DSG1: variants seen among roughly 807,000 people sequenced by gnomAD.
DSG1 encodes the protein desmoglein 1.
DSG1 carries 39 observed loss-of-function variants against 97.5 expected under a neutral mutation model. That is an observed-to-expected ratio of 0.40 (90% confidence interval 0.31 to 0.52). The LOEUF (loss-of-function observed/expected upper bound fraction) is 0.52. Ranked by LOEUF, DSG1 falls within the 20% of genes least tolerant of loss-of-function variation. The pLI is 0.53. For missense variants in DSG1, 1,311 were observed against 1,295.4 expected, an observed-to-expected ratio of 1.01 and a Z score of -0.18; for synonymous variants, 475 against 443.4, an observed-to-expected ratio of 1.07 and a Z score of -0.90.
chr18:31,350,772 T>A (rs1216937168), intron 14 of DSG1, among the ~76,000 whole-genome samples: 1 of 151,310 alleles, frequency 6.6e-6, no homozygotes, highest in Non-Finnish European at 1.5e-5. Flanking sequence ...GTTTGTAGTA[T>A]TCTCTGATGG....
intron 14 of DSG1, among the ~76,000 whole-genome samples, chr18:31,349,442 G>A (rs972907883): frequency 7.3e-5 from 11 of 151,144 alleles, no homozygotes; most frequent in Admixed American, 2.6e-4. Context: ...TTGACGTGGC[G>A]ATGCGGGCTC....
chr18:31,330,956 G>T (rs1428722602), intron 5 of DSG1, among the ~76,000 whole-genome samples: 1 of 152,060 alleles, frequency 6.6e-6, no homozygotes, highest in Non-Finnish European at 1.5e-5. Context: ...TGAAGCATTT[G>T]TAGGAAAATT....
intron 10 of DSG1, among the ~76,000 whole-genome samples, chr18:31,339,324 T>A (rs2071773891): frequency 6.6e-6 from 1 of 152,082 alleles, no homozygotes; most frequent in Non-Finnish European, 1.5e-5. Context: ...CACATCAATG[T>A]AACATAAATA....
rs145955044 is a variant in DSG1 at position 31,354,668 on chromosome 18, G to A, written c.2472G>A (p.Lys824=). ...CGGGACCTGGTGTACTGCATCCTAA[G>A]CCTATTCTCGATCCTCTGGGCTATG... ...YPSGPGVLHP[K]PILDPLGYGN... Residue 824 remains lysine (K), a synonymous_variant, in exon 15 of 15, where the codon AAG becomes AAA. Coordinates refer to ENST00000257192, the MANE Select transcript of DSG1 (RefSeq NM_001942.4). The A allele has an allele frequency of 6.6e-3, 10,713 of 1,614,118 alleles. 57 individuals are homozygous for A. The highest frequency in any genetic ancestry group is 0.014 in the Middle Eastern group (87 of 6,062).
At chr18:31,318,426 G>C in intron 1 of DSG1, 78 bp downstream of exon 1, 1 of 1,162,498 alleles carries the variant, frequency 8.6e-7, no homozygotes, top group Non-Finnish European at 1.3e-6. Context: ...AATGTTAGTG[G>C]GCATTATTTC....
rs2071778723 is a variant in DSG1 at position 31,339,965 on chromosome 18, A to C, written c.1627A>C (p.Asn543His). Residue 543 changes from asparagine (N) to histidine (H), a missense_variant, in exon 11 of 15, where the codon AAT becomes CAT. Coordinates refer to ENST00000257192, the MANE Select transcript of DSG1 (RefSeq NM_001942.4). ...CGGAGCCAAAGATTTGTTATCAGAC[A>C]ATGTACATTTTGGTCCTGCTGGCAT... ...GNGAKDLLSD[N>H]VHFGPAGIGL... 1 of 1,614,088 alleles carries C rather than the reference A, an allele frequency of 6.2e-7. No homozygotes were observed. Among genetic ancestry groups the C allele is most frequent in the Non-Finnish European group, 8.5e-7 (1 of 1,179,976 alleles).
chr18:31,319,860 A>G (rs994162411), intron 1 of DSG1, among the ~76,000 whole-genome samples: 2 of 151,822 alleles, frequency 1.3e-5, no homozygotes, highest in African/African-American at 2.4e-5. Context: ...CATCAAAATC[A>G]TATATCTTTA....
intron 6 of DSG1, among the ~76,000 whole-genome samples, chr18:31,332,603 C>T (rs556521813): frequency 5.3e-4 from 81 of 152,104 alleles, no homozygotes; most frequent in African/African-American, 1.7e-3. Flanking sequence ...TAGAATGTTG[C>T]AACCTAAATG....
intron 1 of DSG1, among the ~76,000 whole-genome samples, chr18:31,324,833 T>C (rs2071676213): frequency 6.6e-6 from 1 of 152,208 alleles, no homozygotes; most frequent in Non-Finnish European, 1.5e-5. Context: ...CTACCAACTG[T>C]TGTCAGAGTT....
chr18:31,353,711 C>T (rs949396332), intron 14 of DSG1, among the ~76,000 whole-genome samples: 17 of 152,004 alleles, frequency 1.1e-4, no homozygotes, highest in African/African-American at 2.9e-4. Context: ...GCGCAGTATT[C>T]GGGTGGGAGT....
At position 31,329,734 on chromosome 18, in the gene DSG1, C is replaced by T. The variant is rs140017288; in HGVS notation, c.373-158C>T. On this transcript the variant is annotated intron_variant, in intron 4 of 14. Coordinates refer to ENST00000257192, the MANE Select transcript of DSG1 (RefSeq NM_001942.4). ...GCTACTACCTAGCTTAAGAATGCCA[C>T]ATTTGCTTTCCCTTAGTGACTGTAA... 2.4e-4 allele frequency among the ~76,000 whole-genome samples: 37 copies of T among 152,166 alleles called. 1 individual carries two copies. The highest frequency in any genetic ancestry group is 3.4e-3 in the Middle Eastern group (1 of 294).
rs1161355068 is a variant in DSG1, at chr18:31,354,701, C to T, written c.2505C>T (p.Val835=). 28 of 1,614,100 alleles carry T rather than the reference C, an allele frequency of 1.7e-5. No homozygotes were observed. The highest frequency in any genetic ancestry group is 2.4e-5 in the Non-Finnish European group (28 of 1,180,014). The change falls in exon 15 of 15, where the codon GTC becomes GTT. Residue 835 remains valine (V), a synonymous_variant. Coordinates refer to ENST00000257192, the MANE Select transcript of DSG1 (RefSeq NM_001942.4). Reference sequence around the variant, plus strand: ...TCGATCCTCTGGGCTATGGTAATGTCACTGTGACCGAGTCTTACACCACCT... The same window carrying T: ...TCGATCCTCTGGGCTATGGTAATGTTACTGTGACCGAGTCTTACACCACCT... ...PILDPLGYGN[V]TVTESYTTSD... is the part of the protein sequence containing the mutation.
chr18:31,337,260 G>T (rs28595518), intron 9 of DSG1, among the ~76,000 whole-genome samples: 25,816 of 149,358 alleles, frequency 0.17, 3,793 homozygotes, highest in African/African-American at 0.42. Flanking sequence ...TTTGTTTGTT[G>T]TTTGTTTGTT....
chr18:31,326,725 T>C, intron 2 of DSG1, 109 bp downstream of exon 2: 1 of 1,312,120 alleles, frequency 7.6e-7, no homozygotes, highest in Admixed American at 1.8e-5. Flanking sequence ...GTTCATATAA[T>C]GCTAAAATTA....
Position 31,349,491 on chromosome 18 carries a change from C to T in DSG1, c.2100+3293C>T, listed in dbSNP as rs547545061. 2.5e-3 allele frequency among the ~76,000 whole-genome samples: 370 copies of T among 148,246 alleles called. 3 individuals carry two copies. Among genetic ancestry groups the T allele is most frequent in the African/African-American group, 8.3e-3 (323 of 39,046 alleles). On this transcript the variant is annotated intron_variant, in intron 14 of 14. Coordinates refer to ENST00000257192, the MANE Select transcript of DSG1 (RefSeq NM_001942.4). ...ATATGAACTTTAAAGTAGTTTTTTC[C>T]AATTCTGTGAAGAAAGTCATTGGTA...
At chr18:31,329,140 A>G (rs1266914945) in intron 4 of DSG1, among the ~76,000 whole-genome samples, 1 of 152,124 alleles carries the variant, frequency 6.6e-6, no homozygotes, top group Admixed American at 6.6e-5. Context: ...AGACATTTCC[A>G]TGGTCCTATA....
intron 5 of DSG1, among the ~76,000 whole-genome samples, chr18:31,330,339 T>C (rs2071712729): frequency 6.6e-6 from 1 of 152,094 alleles, no homozygotes; most frequent in African/African-American, 2.4e-5. Flanking sequence ...GAATTTAGCC[T>C]CCCAGTCTAA....
intron 11 of DSG1, among the ~76,000 whole-genome samples, chr18:31,340,764 A>C (rs2071784272): frequency 6.6e-6 from 1 of 152,190 alleles, no homozygotes; most frequent in Non-Finnish European, 1.5e-5. Context: ...TGCGCATGAC[A>C]GCATGGTGAA....
chr18:31,353,325 G>A (rs1216265910), intron 14 of DSG1, among the ~76,000 whole-genome samples: 22 of 151,380 alleles, frequency 1.5e-4, no homozygotes, highest in South Asian at 4.2e-4. Context: ...CAGTCTGCCC[G>A]TTCTCAGTTC....
Sources: gnomAD v4.1 joint callset for allele counts (sites outside exome capture counted in the v4.1 genomes callset) on GRCh38, gnomAD v4.1.1 for gene constraint, MANE v1.5 for transcripts, NCBI Gene and HGNC (gene_info 2026-07-23, HGNC 2026-07-21) for gene names.